SPATA22: variants seen among roughly 807,000 people sequenced by gnomAD.
SPATA22 encodes the protein spermatogenesis-associated protein 22.
Under a neutral mutation model 47.8 loss-of-function variants are expected in SPATA22, and 29 were observed. The observed-to-expected ratio is 0.61, with a 90% CI of 0.45 to 0.83. The LOEUF (loss-of-function observed/expected upper bound fraction) is 0.83. SPATA22 is among the 40% of genes least tolerant of loss of function. SPATA22 has a pLI of 0.00. For synonymous variants in SPATA22, 133 were observed against 140.9 expected (o/e 0.94, Z 0.40); for missense variants, 410 against 421.7 (o/e 0.97, Z 0.24).
chr17:3,488,080 G>A lies in SPATA22; in HGVS notation c.-73-18682C>T, dbSNP rs1052957030. ...GTATTGGGAAATAACAGAAGCGGGT[G>A]AAAACAAGATGAGTGTAAAAGAATG... On this transcript the variant is annotated intron_variant, in intron 1 of 8. Coordinates refer to the SPATA22 transcript ENST00000541913. This position sits in a 1 kb window ranked among gnomAD's most constrained non-coding sequence, Gnocchi z 6.1. 6.6e-6 allele frequency among the ~76,000 whole-genome samples: 1 copy of A among 152,182 alleles called. No homozygotes were observed. Among genetic ancestry groups the A allele is most frequent in the Non-Finnish European group, 1.5e-5 (1 of 68,028 alleles).
At position 3,483,491 on chromosome 17, in the gene SPATA22, T is replaced by C; in HGVS notation, c.-73-14093A>G. ...TTACCTAAGAAAGACGTTTTTGATTTTTTTCAGACTTCTCTGGCTCCACTA... is the reference window on the plus strand; with the variant it reads ...TTACCTAAGAAAGACGTTTTTGATTCTTTTCAGACTTCTCTGGCTCCACTA... On this transcript the variant is annotated intron_variant, in intron 1 of 8. Coordinates refer to the SPATA22 transcript ENST00000541913. 1 of 1,613,530 alleles carries C rather than the reference T, an allele frequency of 6.2e-7. No homozygotes were observed. The highest frequency in any genetic ancestry group is 2.2e-5 in the East Asian group (1 of 44,874).
chr17:3,500,193 CA>C (rs2073973166), intron 1 of SPATA22: 1 of 152,248 alleles, frequency 6.6e-6, no homozygotes. Flanking sequence ...GGAAAGAAGA[CA>C]GCTCTAAAAC....
At chr17:3,505,763 T>G (rs9915132) in intron 1 of SPATA22, among the ~76,000 whole-genome samples, 5,993 of 24,120 alleles carry the variant, frequency 0.25, 317 homozygotes, top group East Asian at 0.58. Flanking sequence ...TTTGTTTTTT[T>G]TTTTTTGTTT....
chr17:3,482,766 TTC>T (rs1039500679), intron 1 of SPATA22, among the ~76,000 whole-genome samples: 1 of 138,344 alleles, frequency 7.2e-6, no homozygotes, highest in African/African-American at 2.6e-5. Flanking sequence ...AATGTAGCGA[TTC>T]TTTTTTTTTT....
At position 3,471,816 on chromosome 17, in the gene SPATA22, A is replaced by G; in HGVS notation, c.-208T>C. ...TTCCCGCCCGCGAAGAAAGCGCGGG[A>G]ATCAGGCTGTTCGCAGGCGCCGTGG... On this transcript the variant is annotated 5_prime_UTR_variant, in exon 1 of 9. Transcript: ENST00000572969. 1 of 985,476 alleles carries G rather than the reference A, an allele frequency of 1.0e-6. No individual in the cohort carries two copies. The highest frequency in any genetic ancestry group is 1.2e-6 in the Non-Finnish European group (1 of 829,938). The allele number at this position is 985,476 out of a possible 1,614,324, so 61.0% of individuals were successfully genotyped here. A position where few individuals can be genotyped will look rare whatever the true frequency, so the allele number is the denominator to read the frequency against.
At chr17:3,470,730 G>T (rs985326498) in intron 1 of SPATA22, among the ~76,000 whole-genome samples, 1 of 146,552 alleles carries the variant, frequency 6.8e-6, no homozygotes, top group South Asian at 2.3e-4. Context: ...CAGCCTGGGC[G>T]ACAGAGCGAG....
chr17:3,489,102 C>A, intron 1 of SPATA22: 1 of 613,432 alleles, frequency 1.6e-6, no homozygotes. Flanking sequence ...CAAATATTTT[C>A]CATGATGCTA....
In SPATA22 at chr17:3,488,828, G is replaced by A. The variant is rs142260453; in HGVS notation, c.-73-19430C>T. Among the ~76,000 whole-genome samples, 22 of 152,142 alleles carry A rather than the reference G, an allele frequency of 1.4e-4. No homozygotes were observed. The highest frequency in any genetic ancestry group is 3.9e-4 in the East Asian group (2 of 5,186). ...TATAAAAATAGATGTCCTTCCTCCC[G>A]TCACAGCTAAATGTTAGATCTTAAC... On this transcript the variant is annotated intron_variant, in intron 1 of 8. Transcript: ENST00000541913. This position sits in a 1 kb window ranked among gnomAD's most constrained non-coding sequence, Gnocchi z 6.1.
At chr17:3,471,514 G>GCA in intron 1 of SPATA22, 168 bp downstream of exon 1, 1 of 978,030 alleles carries the variant, frequency 1.0e-6, no homozygotes, top group Non-Finnish European at 1.2e-6. Flanking sequence ...TGCTCAATCT[G>GCA]CACGCACACA....
chr17:3,504,554 CTTTT>C (rs34155812), intron 1 of SPATA22, among the ~76,000 whole-genome samples: 1 of 138,650 alleles, frequency 7.2e-6, no homozygotes. Flanking sequence ...ATTTTCTTTT[CTTTT>C]TTTTTTTTTT....
At chr17:3,509,186 A>AT (rs796964690) in intron 1 of SPATA22, among the ~76,000 whole-genome samples, 1 of 150,544 alleles carries the variant, frequency 6.6e-6, no homozygotes, top group Non-Finnish European at 1.5e-5. Context: ...TAGAGCCCTC[A>AT]TTTTTTTTAT....
At position 3,494,336 on chromosome 17, in the gene SPATA22, T is replaced by C. The variant is rs763998904; in HGVS notation, c.-74+19076A>G. 1.1e-5 allele frequency: 18 copies of C among 1,577,306 alleles called. No homozygotes were observed. The highest frequency in any genetic ancestry group is 8.3e-5 in the Admixed American group (5 of 59,940). On this transcript the variant is annotated intron_variant, in intron 1 of 8. Coordinates refer to the SPATA22 transcript ENST00000541913. ...GTTTTTAGTTGCCATTGATACATATTGTTTTTGTCATAGGAAAAGAATTTC... is the reference window on the plus strand; with the variant it reads ...GTTTTTAGTTGCCATTGATACATATCGTTTTTGTCATAGGAAAAGAATTTC...
At chr17:3,450,882 G>A (rs934827876) in intron 5 of SPATA22, among the ~76,000 whole-genome samples, 6 of 152,182 alleles carry the variant, frequency 3.9e-5, no homozygotes, top group African/African-American at 1.4e-4. Flanking sequence ...CATGAAGTGA[G>A]CACATACTGT....
chr17:3,469,320 C>T lies in SPATA22; in HGVS notation c.6G>A (p.Lys2=). 1.3e-6 allele frequency: 2 copies of T among 1,566,726 alleles called. No individual in the cohort carries two copies. Among genetic ancestry groups the T allele is most frequent in the Non-Finnish European group, 1.7e-6 (2 of 1,152,948 alleles). The part of the protein sequence containing the change: M[K]RSLNENSARS... ...GAGCTGAATTTTCATTTAGGCTTCGCTTCATTTCCTTCAATATCAAAATCT... is the reference window on the plus strand; with the variant it reads ...GAGCTGAATTTTCATTTAGGCTTCGTTTCATTTCCTTCAATATCAAAATCT... Residue 2 remains lysine (K), a synonymous_variant, in exon 2 of 9, where the codon AAG becomes AAA. Transcript: ENST00000572969.
At chr17:3,511,351 A>T (rs980859262) in intron 1 of SPATA22, 1 of 152,228 alleles carries the variant, frequency 6.6e-6, no homozygotes, top group African/African-American at 2.4e-5. Flanking sequence ...GCTTTTTAAA[A>T]ATAAATAAAT....
At chr17:3,461,205 C>A (rs906869153) in intron 5 of SPATA22, among the ~76,000 whole-genome samples, 4 of 152,168 alleles carry the variant, frequency 2.6e-5, no homozygotes, top group African/African-American at 4.8e-5. Context: ...TTCCTGATTA[C>A]CTGAAATTCA....
intron 5 of SPATA22, among the ~76,000 whole-genome samples, chr17:3,454,461 C>A (rs1242556149): frequency 6.6e-6 from 1 of 152,002 alleles, no homozygotes; most frequent in Non-Finnish European, 1.5e-5. Context: ...CCCCCGACCC[C>A]ACAACAGTCC....
At chr17:3,441,689 G>C (rs2072601373) in intron 8 of SPATA22, 1 of 151,960 alleles carries the variant, frequency 6.6e-6, no homozygotes, top group Admixed American at 6.6e-5. Flanking sequence ...AAATGCATAA[G>C]AGACATAGAT....
At chr17:3,456,620 C>G (rs1369875242) in intron 5 of SPATA22, among the ~76,000 whole-genome samples, 5 of 152,160 alleles carry the variant, frequency 3.3e-5, no homozygotes, top group Admixed American at 1.3e-4. Flanking sequence ...ACCAGAGGTA[C>G]AAGGAAGAGC....
Sources: gnomAD v4.1 joint callset for allele counts (sites outside exome capture counted in the v4.1 genomes callset) on GRCh38, gnomAD v4.1.1 for gene constraint, Gnocchi (gnomAD v3.1) non-coding constraint, MANE v1.5 for transcripts, NCBI Gene and HGNC (gene_info 2026-07-23, HGNC 2026-07-21) for gene names.